Variants in ARHGAP32 observed in about 807,000 individuals in gnomAD.
ARHGAP32 encodes the protein rho GTPase-activating protein 32.
In ARHGAP32, 51 loss-of-function variants were observed where a neutral mutation model predicts 186.5. That is an observed-to-expected ratio of 0.27 (90% CI 0.22 to 0.35). The LOEUF is 0.35. ARHGAP32 is among the 10% of genes least tolerant of loss of function. ARHGAP32 has a pLI of 1.00. For synonymous variants in ARHGAP32, 950 were observed against 964.3 expected, an observed-to-expected ratio of 0.99 and a Z score of 0.27; for missense variants, 2,186 against 2,623.5, an observed-to-expected ratio of 0.83 and a Z score of 3.64.
chr11:129,154,668 G>A (rs566022082), intron 2 of ARHGAP32, among the ~76,000 whole-genome samples: 1 of 152,274 alleles, frequency 6.6e-6, no homozygotes, highest in African/African-American at 2.4e-5. Flanking sequence ...ACTTATAAGT[G>A]GGAGCTAAGC....
Position 128,970,332 on chromosome 11 carries a change from G to A in ARHGAP32, c.4881C>T (p.Cys1627=), listed in dbSNP as rs1431636870. ...EVPPDDEPAY[C]PRPLYQYKPY... is the part of the protein sequence containing the mutation. ...GCTTATATTGGTACAGAGGTCTTGG[G>A]CAGTAGGCTGGCTCATCATCTGGGG... The change falls in exon 23 of 23, where the codon TGC becomes TGT. Residue 1627 remains cysteine, a synonymous_variant. Coordinates refer to ENST00000682385, the MANE Select transcript of ARHGAP32 (RefSeq NM_001378024.1). The surrounding 1 kb of genome is among the most constrained non-coding windows in gnomAD (Gnocchi z 5.8). 1.9e-6 allele frequency: 3 copies of A among 1,614,072 alleles called. No individual in the cohort carries two copies. Among genetic ancestry groups the A allele is most frequent in the Non-Finnish European group, 2.5e-6 (3 of 1,180,052 alleles).
intron 7 of ARHGAP32, 139 bp from the exon 8 acceptor site, chr11:129,065,072 T>C: frequency 1.6e-6 from 1 of 635,628 alleles, no homozygotes; most frequent in Non-Finnish European, 2.7e-6. Flanking sequence ...CACAGAAACT[T>C]ACCAGTAGCA....
chr11:129,062,129 A>C, intron 10 of ARHGAP32, 151 bp downstream of exon 10: 1 of 638,364 alleles, frequency 1.6e-6, no homozygotes, highest in Non-Finnish European at 2.7e-6. Context: ...AGGAAATCTA[A>C]ATCTATTATC....
chr11:129,104,459 A>G (rs935431913), intron 5 of ARHGAP32, among the ~76,000 whole-genome samples: 3 of 152,102 alleles, frequency 2.0e-5, no homozygotes, highest in African/African-American at 7.2e-5. Context: ...TTTTTGAGTT[A>G]TGATTTTAAT....
At chr11:129,024,808 G>A (rs184262201) in intron 11 of ARHGAP32, among the ~76,000 whole-genome samples, 2 of 152,222 alleles carry the variant, frequency 1.3e-5, no homozygotes, top group African/African-American at 4.8e-5. Flanking sequence ...ATTAGCAAAA[G>A]TGAAAATCTT....
intron 1 of ARHGAP32, among the ~76,000 whole-genome samples, chr11:129,212,022 G>T (rs1040113623): frequency 6.6e-6 from 1 of 152,018 alleles, no homozygotes; most frequent in Non-Finnish European, 1.5e-5. Context: ...GGCATGCCTG[G>T]TGCATGCCTG....
rs140429627 is a variant in ARHGAP32, at chr11:129,123,559, A to C, written c.360-29T>G. 2.2e-4 allele frequency: 351 copies of C among 1,579,948 alleles called. 1 individual carries two copies. The African/African-American group carries it at 4.2e-3, about 19-fold the overall frequency. ...AAACACATGAAATAAATAAGAAACG[A>C]GATAGTGAAACAGTAAAAATTACTA... is the stretch of plus-strand genomic sequence containing the variant. On this transcript the variant is annotated intron_variant, in intron 4 of 22. Transcript: ENST00000682385. The surrounding 1 kb of genome is among the most constrained non-coding windows in gnomAD (Gnocchi z 4.6).
At position 128,969,392 on chromosome 11, in the gene ARHGAP32, A is replaced by G; in HGVS notation, c.5821T>C (p.Tyr1941His). 1.2e-6 allele frequency: 2 copies of G among 1,614,086 alleles called. No homozygotes were observed. Among genetic ancestry groups the G allele is most frequent in the Non-Finnish European group, 1.7e-6 (2 of 1,180,000 alleles). Residue 1941 changes from tyrosine (Y) to histidine (H), a missense_variant, in exon 23 of 23, where the codon TAT (tyrosine) becomes CAT (histidine). By Grantham distance (83) the Tyr-to-His change is moderately conservative. Transcript: ENST00000682385. This position sits in a 1 kb window ranked among gnomAD's most constrained non-coding sequence, Gnocchi z 4.8. Reference protein sequence around the residue: ...PVSYHNSGVKYAASGQESLRL... With the variant: ...PVSYHNSGVKHAASGQESLRL... ...AAAGATTCTTGCCCGGATGCAGCAT[A>G]TTTTACTCCAGAGTTGTGGTAGCTG...
chr11:129,005,777 A>G (rs1937733722), intron 11 of ARHGAP32, among the ~76,000 whole-genome samples: 2 of 152,078 alleles, frequency 1.3e-5, no homozygotes, highest in African/African-American at 4.8e-5. Context: ...TTGTGTTTGG[A>G]TAGCGATATC....
intron 6 of ARHGAP32, among the ~76,000 whole-genome samples, chr11:129,075,929 G>A (rs1941026270): frequency 6.6e-6 from 1 of 152,186 alleles, no homozygotes. Context: ...GTCACAGGAT[G>A]AGACAGGTCG....
intron 10 of ARHGAP32, among the ~76,000 whole-genome samples, chr11:129,056,074 T>C (rs1451766119): frequency 6.6e-6 from 1 of 152,156 alleles, no homozygotes; most frequent in Non-Finnish European, 1.5e-5. Context: ...GAAACAGTGC[T>C]CAGTCAGTGC....
chr11:129,057,455 T>G (rs368479619), intron 10 of ARHGAP32, among the ~76,000 whole-genome samples: 3 of 151,982 alleles, frequency 2.0e-5, no homozygotes, highest in Admixed American at 6.6e-5. Context: ...TCAGGACTGG[T>G]TGACATCTAT....
At chr11:129,243,427 C>T (rs1210733114) in intron 1 of ARHGAP32, among the ~76,000 whole-genome samples, 6 of 152,144 alleles carry the variant, frequency 3.9e-5, no homozygotes, top group Non-Finnish European at 2.9e-5. Flanking sequence ...ATCCTCAATA[C>T]AAAGCATAAA....
chr11:129,156,157 G>C (rs950699110), intron 2 of ARHGAP32, among the ~76,000 whole-genome samples: 1 of 152,150 alleles, frequency 6.6e-6, no homozygotes, highest in African/African-American at 2.4e-5. Flanking sequence ...GCACAAAATT[G>C]GGCAGCCATT....
In ARHGAP32 at chr11:129,229,030, G is replaced by A. The variant is rs370381430; in HGVS notation, c.-5+50116C>T. 8.5e-5 allele frequency among the ~76,000 whole-genome samples: 13 copies of A among 152,060 alleles called. 1 individual carries two copies. Among genetic ancestry groups the A allele is most frequent in the Admixed American group, 3.3e-4 (5 of 15,274 alleles). On this transcript the variant is annotated intron_variant, in intron 1 of 6. Transcript: ENST00000525234. ...ACTTACCCTAGGACGCAGAACAAGGGGAAAAAAGTTAAAATTTAAGCCTTA... is the reference window on the plus strand; with the variant it reads ...ACTTACCCTAGGACGCAGAACAAGGAGAAAAAAGTTAAAATTTAAGCCTTA...
At chr11:129,253,533 T>A (rs1283559089) in intron 1 of ARHGAP32, among the ~76,000 whole-genome samples, 1 of 152,106 alleles carries the variant, frequency 6.6e-6, no homozygotes, top group East Asian at 1.9e-4. Flanking sequence ...AATTACATGT[T>A]GAGGAAAAGT....
At chr11:129,098,562 G>C (rs1363922883) in intron 5 of ARHGAP32, among the ~76,000 whole-genome samples, 1 of 151,942 alleles carries the variant, frequency 6.6e-6, no homozygotes, top group Non-Finnish European at 1.5e-5. Flanking sequence ...TGGGACTACA[G>C]GTGCCTGCCA....
At chr11:129,239,310 A>C (rs1450853245) in intron 1 of ARHGAP32, among the ~76,000 whole-genome samples, 1 of 152,222 alleles carries the variant, frequency 6.6e-6, no homozygotes, top group Non-Finnish European at 1.5e-5. Context: ...CTGTTAGAAC[A>C]TGCAGTAAGC....
chr11:129,142,590 A>G (rs1490535076), intron 2 of ARHGAP32, among the ~76,000 whole-genome samples: 5 of 152,152 alleles, frequency 3.3e-5, no homozygotes, highest in Non-Finnish European at 7.4e-5. Flanking sequence ...GAACAATAAA[A>G]CATCTGAAAT....
Sources: gnomAD v4.1 joint callset for allele counts (sites outside exome capture counted in the v4.1 genomes callset) on GRCh38, gnomAD v4.1.1 for gene constraint, Gnocchi (gnomAD v3.1) non-coding constraint, MANE v1.5 for transcripts, NCBI Gene and HGNC (gene_info 2026-07-23, HGNC 2026-07-21) for gene names.